Variants in PLBD2 observed in about 807,000 individuals in gnomAD.
PLBD2 encodes putative aminopeptidase PLBD2.
Under a neutral mutation model 68.3 loss-of-function variants are expected in PLBD2, and 51 were observed. The ratio of observed to expected loss-of-function variants is 0.75; its 90% CI spans 0.60 to 0.94. PLBD2 has a LOEUF of 0.94. PLBD2 is among the 40% of genes least tolerant of loss of function. PLBD2 has a pLI of 0.00. For synonymous variants in PLBD2, 314 were observed against 339.3 expected (o/e 0.93, Z 0.82); for missense variants, 729 against 792.2 (o/e 0.92, Z 0.96).
At chr12:113,359,044 G>T (rs1021543306) in intron 1 of PLBD2, among the ~76,000 whole-genome samples, 154 bp downstream of exon 1, 7 of 152,260 alleles carry the variant, frequency 4.6e-5, no homozygotes, top group Non-Finnish European at 1.0e-4. Context: ...CGCCCTGCGG[G>T]CCAAGTACCC....
chr12:113,373,568 C>CCATCCATCCATCCATG (rs1268438421), intron 3 of PLBD2, among the ~76,000 whole-genome samples: 5 of 152,064 alleles, frequency 3.3e-5, no homozygotes, highest in Admixed American at 2.6e-4. Context: ...ATCCATCCAC[C>CCATCCATCCATCCATG]CATCCATCCA....
chr12:113,382,728 CT>C (rs768209699), intron 6 of PLBD2, among the ~76,000 whole-genome samples: 3 of 151,414 alleles, frequency 2.0e-5, no homozygotes, highest in Admixed American at 6.6e-5. Flanking sequence ...TGTGTCCAGC[CT>C]TTTTTTTCCT....
chr12:113,384,118 C>T lies in PLBD2; in HGVS notation c.971C>T (p.Thr324Ile), dbSNP rs1957523169. The T allele has an allele frequency of 6.2e-7, 1 of 1,609,342 alleles. No homozygotes were observed. The highest frequency in any genetic ancestry group is 8.5e-7 in the Non-Finnish European group (1 of 1,177,000). Residue 324 changes from threonine to isoleucine, a missense_variant, in exon 7 of 12, where the codon ACC becomes ATC. Coordinates refer to ENST00000280800, the MANE Select transcript of PLBD2 (RefSeq NM_173542.4). The surrounding 1 kb of genome is among the most constrained non-coding windows in gnomAD (Gnocchi z 4.2). ...ILGSGLVTLETTIGNKNPALW... is the reference protein window; with the variant it reads ...ILGSGLVTLEITIGNKNPALW... ...ACCTTCCCACAGGTGACACTGGAGA[C>T]CACCATTGGCAACAAGAACCCAGCC...
In PLBD2 at chr12:113,390,237, C is replaced by CCCATCTGCCAACGCATCCATCCAT; in HGVS notation, c.*1615_*1638dup. 1.3e-5 allele frequency: 2 copies of CCCATCTGCCAACGCATCCATCCAT among 151,334 alleles called. No individual in the cohort carries two copies. The highest frequency in any genetic ancestry group is 2.9e-5 in the Non-Finnish European group (2 of 67,810). 9.4% of individuals were successfully genotyped at this position (151,334 alleles called of 1,614,324 possible). A position where few individuals can be genotyped will look rare whatever the true frequency, so the allele number is the denominator to read the frequency against. On this transcript the variant is annotated 3_prime_UTR_variant, in exon 12 of 12. Coordinates refer to ENST00000280800, the MANE Select transcript of PLBD2 (RefSeq NM_173542.4). ...AACTACCTATCCATTCATCCATCCA[C>CCCATCTGCCAACGCATCCATCCAT]CCATCTGCCAACGCATCCATCCATC...
rs1486701549 is a variant in PLBD2, at chr12:113,380,840, C to T, written c.955C>T (p.Leu319=). 1 of 1,553,070 alleles carries T rather than the reference C, an allele frequency of 6.4e-7. No individual in the cohort carries two copies. The highest frequency in any genetic ancestry group is 8.7e-7 in the Non-Finnish European group (1 of 1,148,190). Reference sequence around the variant, plus strand: ...CGACTTCTACATCCTGGGCAGTGGGCTGGTGAGTCCCTTTCTCATGTCTCC... The same window carrying T: ...CGACTTCTACATCCTGGGCAGTGGGTTGGTGAGTCCCTTTCTCATGTCTCC... ...CDDFYILGSG[L]VTLETTIGNK... The change falls in exon 6 of 12, where the codon CTG becomes TTG. Residue 319 remains leucine, a splice_region_variant and synonymous_variant. Coordinates refer to ENST00000280800, the MANE Select transcript of PLBD2 (RefSeq NM_173542.4).
At chr12:113,376,379 G>T (rs975478745) in intron 5 of PLBD2, among the ~76,000 whole-genome samples, 8 of 151,678 alleles carry the variant, frequency 5.3e-5, no homozygotes, top group Admixed American at 2.6e-4. Flanking sequence ...GGCCAGGCTG[G>T]TCTTGAACTC....
At chr12:113,385,077 C>T in intron 8 of PLBD2, 131 bp downstream of exon 8, 1 of 1,295,254 alleles carries the variant, frequency 7.7e-7, no homozygotes, top group Non-Finnish European at 1.1e-6. Flanking sequence ...AGAAGGTGTC[C>T]CTGGTGGGGG....
chr12:113,372,178 C>A lies in PLBD2; in HGVS notation c.385-471C>A, dbSNP rs958701590. On this transcript the variant is annotated intron_variant, in intron 2 of 11. Transcript: ENST00000280800. The surrounding 1 kb of genome is among the most constrained non-coding windows in gnomAD (Gnocchi z 4.2). ...GGTCTTTTGTCCCCCAGCAGGCGAGCCTGGACTCATGCAGGTGGCATCTCG... is the reference window on the plus strand; with the variant it reads ...GGTCTTTTGTCCCCCAGCAGGCGAGACTGGACTCATGCAGGTGGCATCTCG... 1.3e-5 allele frequency among the ~76,000 whole-genome samples: 2 copies of A among 151,702 alleles called. No homozygotes were observed. The highest frequency in any genetic ancestry group is 2.9e-5 in the Non-Finnish European group (2 of 67,972).
At chr12:113,371,313 A>T (rs1957387497) in intron 2 of PLBD2, among the ~76,000 whole-genome samples, 1 of 152,244 alleles carries the variant, frequency 6.6e-6, no homozygotes, top group Admixed American at 6.5e-5. Flanking sequence ...CACCATGGGC[A>T]GGTGAATGGC....
chr12:113,387,432 T>C (rs1268168923), intron 10 of PLBD2, among the ~76,000 whole-genome samples: 1 of 152,138 alleles, frequency 6.6e-6, no homozygotes, highest in African/African-American at 2.4e-5. Flanking sequence ...CTGGTGTCAA[T>C]GTGTAAAGAT....
chr12:113,388,718 TC>T lies in PLBD2; in HGVS notation c.*94del. On this transcript the variant is annotated 3_prime_UTR_variant, in exon 12 of 12. Coordinates refer to ENST00000280800, the MANE Select transcript of PLBD2 (RefSeq NM_173542.4). ...CCACCGGACTTCTAACTCCAGCCCC[TC>T]CTGGGGGCTTCGTTCTCTGATCTGG... The T allele has an allele frequency of 1.8e-5, 24 of 1,355,672 alleles. No individual in the cohort carries two copies. Among genetic ancestry groups the T allele is most frequent in the Non-Finnish European group, 2.4e-5 (24 of 1,011,704 alleles). The allele number at this position is 1,355,672 out of a possible 1,614,324, so 84.0% of individuals were successfully genotyped here. A position where few individuals can be genotyped will look rare whatever the true frequency, so the allele number is the denominator to read the frequency against.
rs970729513 is a variant in PLBD2 at position 113,389,585 on chromosome 12, G to T, written c.*959G>T. ...TGCACAGCCTTCCACCCACCCATCC[G>T]TCTTCCATCATCCATCCATCCATCT... On this transcript the variant is annotated 3_prime_UTR_variant, in exon 12 of 12. Transcript: ENST00000280800. 6.6e-6 allele frequency: 1 copy of T among 151,220 alleles called. No individual in the cohort carries two copies. Among genetic ancestry groups the T allele is most frequent in the Non-Finnish European group, 1.5e-5 (1 of 67,862 alleles). 9.4% of individuals were successfully genotyped at this position (151,220 alleles called of 1,614,324 possible).
rs1173103924 is a variant in PLBD2 at position 113,387,741 on chromosome 12, C to T, written c.1440-3C>T. 1 of 1,613,076 alleles carries T rather than the reference C, an allele frequency of 6.2e-7. No homozygotes were observed. Among genetic ancestry groups the T allele is most frequent in the South Asian group, 1.1e-5 (1 of 91,062 alleles). On this transcript the variant is annotated splice_region_variant and splice_polypyrimidine_tract_variant and intron_variant, in intron 10 of 11. Transcript: ENST00000280800. ...CTGATGTTCCCTCCTTTTCCCCATC[C>T]AGGTACAATGACTTCCTCCATGACC...
rs551944264 is a variant in PLBD2 at position 113,387,030 on chromosome 12, G to C, written c.1380G>C (p.Gln460His). 6.2e-7 allele frequency: 1 copy of C among 1,612,128 alleles called. No homozygotes were observed. Among genetic ancestry groups the C allele is most frequent in the Non-Finnish European group, 8.5e-7 (1 of 1,179,246 alleles). The change falls in exon 10 of 12, where the codon CAG becomes CAC. Residue 460 changes from glutamine to histidine, a missense_variant. Physicochemically the swap from Gln to His is conservative, Grantham distance 24 (BLOSUM62 0). Coordinates refer to ENST00000280800, the MANE Select transcript of PLBD2 (RefSeq NM_173542.4). The part of the protein sequence containing the change: ...WFSYDGSPRA[Q>H]IFRRNQSLVQ... ...CTTATGACGGGAGCCCCCGGGCCCA[G>C]ATCTTCCGGCGGAACCAGTCACTGG... is the stretch of plus-strand genomic sequence containing the variant.
chr12:113,362,544 A>G (rs1957304623), intron 1 of PLBD2, among the ~76,000 whole-genome samples: 1 of 151,658 alleles, frequency 6.6e-6, no homozygotes, highest in Non-Finnish European at 1.5e-5. Context: ...CATCTTAGAG[A>G]CATTAGCTGC....
chr12:113,363,504 C>T (rs868050057), intron 1 of PLBD2, among the ~76,000 whole-genome samples: 1 of 151,862 alleles, frequency 6.6e-6, no homozygotes, highest in East Asian at 1.9e-4. Flanking sequence ...AAAGCCTCCC[C>T]CTACCATTCT....
Position 113,369,139 on chromosome 12 carries a change from C to T in PLBD2, c.314C>T (p.Thr105Ile), listed in dbSNP as rs1433009949. 1 of 1,603,584 alleles carries T rather than the reference C, an allele frequency of 6.2e-7. No homozygotes were observed. The highest frequency in any genetic ancestry group is 1.7e-5 in the Admixed American group (1 of 58,540). The change falls in exon 2 of 12, where the codon ACA becomes ATA. Residue 105 changes from threonine (T) to isoleucine (I), a missense_variant. Physicochemically the swap from Thr to Ile is moderately conservative, Grantham distance 89 (BLOSUM62 -1). Transcript: ENST00000280800. ...ETGWAFLELG[T>I]SGQYNDSLQA... ...AGGTGGGCCTTCCTGGAGCTGGGCA[C>T]AAGTGGCCAATACAATGACAGCTTG...
rs1462950726 is a variant in PLBD2, at chr12:113,389,886, A to G, written c.*1260A>G. 3 of 151,966 alleles carry G rather than the reference A, an allele frequency of 2.0e-5. No homozygotes were observed. Among genetic ancestry groups the G allele is most frequent in the African/African-American group, 7.3e-5 (3 of 41,338 alleles). The allele number at this position is 151,966 out of a possible 1,614,324, so 9.4% of individuals were successfully genotyped here. A position where few individuals can be genotyped will look rare whatever the true frequency, so the allele number is the denominator to read the frequency against. On this transcript the variant is annotated 3_prime_UTR_variant, in exon 12 of 12. Coordinates refer to ENST00000280800, the MANE Select transcript of PLBD2 (RefSeq NM_173542.4). ...CATGCCTGGCTAATTTTGTATTTTT[A>G]GTAGAGACAGGGTTTCACCATGTTG...
intron 6 of PLBD2, among the ~76,000 whole-genome samples, chr12:113,382,983 T>C (rs1367274979): frequency 6.6e-6 from 1 of 151,284 alleles, no homozygotes; most frequent in Admixed American, 6.6e-5. Flanking sequence ...GTGATTCTCA[T>C]GCCTCAGCCT....
Sources: allele counts gnomAD v4.1 joint callset (sites outside exome capture counted in the v4.1 genomes callset), GRCh38; gene constraint gnomAD v4.1.1; non-coding constraint Gnocchi (gnomAD v3.1); transcripts MANE v1.5; gene names NCBI Gene and HGNC (gene_info 2026-07-23, HGNC 2026-07-21).